NOS1AP: variants seen among roughly 807,000 people sequenced by gnomAD.
NOS1AP encodes nitric oxide synthase 1 adaptor protein.
A neutral mutation model predicts 56.2 loss-of-function variants in NOS1AP; 21 were observed. The ratio of observed to expected loss-of-function variants is 0.37; its 90% CI spans 0.26 to 0.54. The LOEUF (loss-of-function observed/expected upper bound fraction) is 0.54, where lower values mean the gene tolerates loss of function less well. NOS1AP is among the 20% of genes least tolerant of loss of function. The pLI is 0.84. For missense variants in NOS1AP, 522 were observed against 657.8 expected, an observed-to-expected ratio of 0.79 and a Z score of 2.26; for synonymous variants, 270 against 274.6, an observed-to-expected ratio of 0.98 and a Z score of 0.17.
intron 2 of NOS1AP, among the ~76,000 whole-genome samples, chr1:162,181,314 C>T (rs941230268): frequency 2.0e-5 from 3 of 152,112 alleles, no homozygotes; most frequent in African/African-American, 7.2e-5. Flanking sequence ...AAAAATTATG[C>T]TCTGTATAGT....
chr1:162,325,490 C>T (rs1656556221), intron 4 of NOS1AP, among the ~76,000 whole-genome samples: 2 of 152,002 alleles, frequency 1.3e-5, no homozygotes, highest in Admixed American at 6.6e-5. Context: ...CTCGTCAACC[C>T]ACCACCCCTT....
intron 1 of NOS1AP, among the ~76,000 whole-genome samples, chr1:162,087,910 C>T (rs1312527152): frequency 6.6e-6 from 1 of 152,106 alleles, no homozygotes. Context: ...AATGTAACTA[C>T]ACATAAGCAG....
At chr1:162,236,790 T>C (rs1653306633) in intron 2 of NOS1AP, among the ~76,000 whole-genome samples, 1 of 152,198 alleles carries the variant, frequency 6.6e-6, no homozygotes, top group Non-Finnish European at 1.5e-5. Flanking sequence ...GTCCATGTAT[T>C]GCAGAAGAGT....
chr1:162,180,599 AT>A (rs1194414597), intron 2 of NOS1AP, among the ~76,000 whole-genome samples: 3 of 152,148 alleles, frequency 2.0e-5, no homozygotes, highest in Admixed American at 1.3e-4. Context: ...GACCTTCTGC[AT>A]GTGAGAGGCA....
chr1:162,075,841 A>G (rs1382986606), intron 1 of NOS1AP, among the ~76,000 whole-genome samples: 1 of 151,546 alleles, frequency 6.6e-6, no homozygotes. Flanking sequence ...CACCTATTTT[A>G]TTTGTCCTTA....
At chr1:162,177,451 T>C (rs1651103664) in intron 2 of NOS1AP, among the ~76,000 whole-genome samples, 1 of 152,100 alleles carries the variant, frequency 6.6e-6, no homozygotes, top group African/African-American at 2.4e-5. Flanking sequence ...TTTTGCCAGG[T>C]AGGTCAGCTG....
chr1:162,152,452 A>G (rs562877371), intron 1 of NOS1AP, among the ~76,000 whole-genome samples: 1 of 152,356 alleles, frequency 6.6e-6, no homozygotes, highest in Admixed American at 6.5e-5. Context: ...AAGTTGGGCA[A>G]TCACGAATCT....
chr1:162,101,995 T>C (rs927037758), intron 1 of NOS1AP, among the ~76,000 whole-genome samples: 2 of 151,976 alleles, frequency 1.3e-5, no homozygotes, highest in Non-Finnish European at 2.9e-5. Context: ...GGAGTGGTGA[T>C]AGAAGAGGGC....
intron 2 of NOS1AP, among the ~76,000 whole-genome samples, chr1:162,182,310 C>T (rs1211208011): frequency 6.6e-6 from 1 of 152,168 alleles, no homozygotes; most frequent in Non-Finnish European, 1.5e-5. Flanking sequence ...CTTGGAGATA[C>T]TGCGGGTTTG....
intron 1 of NOS1AP, among the ~76,000 whole-genome samples, chr1:162,139,609 G>A (rs1196054058): frequency 6.6e-6 from 1 of 152,196 alleles, no homozygotes; most frequent in Non-Finnish European, 1.5e-5. Flanking sequence ...ATAACCCTTT[G>A]TAGGAAGAAC....
intron 2 of NOS1AP, among the ~76,000 whole-genome samples, chr1:162,251,580 T>A (rs1412836068): frequency 6.6e-6 from 1 of 151,448 alleles, no homozygotes; most frequent in Non-Finnish European, 1.5e-5. Flanking sequence ...CTCTTCAGGC[T>A]GGGTTTATTT....
chr1:162,264,464 T>TCTTCTCTTCC (rs1557855322), intron 2 of NOS1AP, among the ~76,000 whole-genome samples: 5 of 398 alleles, frequency 0.013, no homozygotes, highest in Admixed American at 0.033. Flanking sequence ...TCTTCTCTTC[T>TCTTCTCTTCC]CCTCCCCTCC....
chr1:162,143,512 T>C (rs534054776), intron 1 of NOS1AP, among the ~76,000 whole-genome samples: 1 of 152,322 alleles, frequency 6.6e-6, no homozygotes, highest in African/African-American at 2.4e-5. Flanking sequence ...TGATTTGCAG[T>C]GGTGCAATCA....
intron 2 of NOS1AP, among the ~76,000 whole-genome samples, chr1:162,171,285 A>G (rs561063266): frequency 6.6e-5 from 10 of 152,334 alleles, no homozygotes; most frequent in African/African-American, 2.4e-4. Flanking sequence ...ACAGGGCAGC[A>G]GTTCTGGCTA....
At chr1:162,191,220 C>T (rs965909336) in intron 2 of NOS1AP, among the ~76,000 whole-genome samples, 2 of 152,146 alleles carry the variant, frequency 1.3e-5, no homozygotes, top group African/African-American at 4.8e-5. Context: ...GGGCACTGTC[C>T]ACACAGGAAC....
intron 1 of NOS1AP, among the ~76,000 whole-genome samples, chr1:162,073,087 A>T (rs1691692457): frequency 6.6e-6 from 1 of 152,202 alleles, no homozygotes; most frequent in African/African-American, 2.4e-5. Context: ...TGGGTGGCAG[A>T]GGTTCTGTGC....
chr1:162,144,341 C>T (rs186069451), intron 1 of NOS1AP, among the ~76,000 whole-genome samples: 105 of 152,364 alleles, frequency 6.9e-4, no homozygotes, highest in African/African-American at 2.4e-3. Flanking sequence ...TCACAAGCTA[C>T]GTTTTCATTC....
Position 162,154,475 on chromosome 1 carries a change from G to A in NOS1AP, c.176G>A (p.Arg59Gln), listed in dbSNP as rs746991588. The change falls in exon 2 of 10, where the codon CGG (arginine) becomes CAG (glutamine). Residue 59 changes from arginine to glutamine, a missense_variant and splice_region_variant. Arg to Gln is a conservative substitution (Grantham distance 43, BLOSUM62 1). Coordinates refer to ENST00000361897, the MANE Select transcript of NOS1AP (RefSeq NM_014697.3). ...ATCGTGGCTGCCATGCGCCGGATAC[G>A]GGTGAGTGGCCAGAGGTGGACTGTG... ...VEIVAAMRRI[R>Q]YEFKAKNIKK... is the part of the protein sequence containing the mutation. 3 of 1,613,870 alleles carry A rather than the reference G, an allele frequency of 1.9e-6. No homozygotes were observed. Among genetic ancestry groups the A allele is most frequent in the Non-Finnish European group, 1.7e-6 (2 of 1,179,846 alleles).
chr1:162,213,513 G>A (rs946612303), intron 2 of NOS1AP, among the ~76,000 whole-genome samples: 1 of 152,220 alleles, frequency 6.6e-6, no homozygotes. Flanking sequence ...AGAGAAAGAA[G>A]GATGTGCCCA....
Sources: allele counts gnomAD v4.1 joint callset (sites outside exome capture counted in the v4.1 genomes callset), GRCh38; gene constraint gnomAD v4.1.1; transcripts MANE v1.5; gene names NCBI Gene and HGNC (gene_info 2026-07-23, HGNC 2026-07-21).